The following EXOC4 variants were observed in gnomAD, a reference collection of about 807,000 sequenced individuals.
EXOC4 encodes SEC8-like 1.
Under a neutral mutation model 107.2 loss-of-function variants are expected in EXOC4, and 71 were observed. The observed-to-expected ratio is 0.66, with a 90% CI of 0.55 to 0.81. The LOEUF (loss-of-function observed/expected upper bound fraction) is 0.81. EXOC4 is among the 30% of genes least tolerant of loss of function. The probability of loss-of-function intolerance (pLI) is 0.00; values close to 1 mark genes in which losing one functional copy is unlikely to be tolerated. For synonymous variants in EXOC4, 456 were observed against 441.2 expected (o/e 1.03, Z -0.42); for missense variants, 1,108 against 1,189.6 (o/e 0.93, Z 1.01).
intron 11 of EXOC4, among the ~76,000 whole-genome samples, chr7:133,853,262 T>C (rs1313128515): frequency 6.6e-6 from 1 of 152,026 alleles, no homozygotes. Flanking sequence ...CATCTGTTTC[T>C]TTCTTTGTTT....
At chr7:133,772,420 A>G (rs1265521284) in intron 10 of EXOC4, among the ~76,000 whole-genome samples, 1 of 152,086 alleles carries the variant, frequency 6.6e-6, no homozygotes, top group Non-Finnish European at 1.5e-5. Context: ...AGAACTTGCA[A>G]TGCATTAACT....
At chr7:133,633,214 G>C (rs938565174) in intron 10 of EXOC4, among the ~76,000 whole-genome samples, 1 of 152,148 alleles carries the variant, frequency 6.6e-6, no homozygotes, top group Non-Finnish European at 1.5e-5. Flanking sequence ...CCTTGTGGGA[G>C]GATATAAATT....
At chr7:133,505,872 G>C (rs1799656392) in intron 9 of EXOC4, among the ~76,000 whole-genome samples, 1 of 152,076 alleles carries the variant, frequency 6.6e-6, no homozygotes, top group Non-Finnish European at 1.5e-5. Context: ...TGATTTTGTT[G>C]TTGTGTTCAG....
At chr7:133,554,273 GAAAT>G (rs1800650549) in intron 9 of EXOC4, among the ~76,000 whole-genome samples, 1 of 152,060 alleles carries the variant, frequency 6.6e-6, no homozygotes, top group Non-Finnish European at 1.5e-5. Flanking sequence ...CTATTCCCTA[GAAAT>G]CATTCTTAAT....
intron 11 of EXOC4, among the ~76,000 whole-genome samples, chr7:133,821,899 A>G (rs906685929): frequency 2.0e-5 from 3 of 152,226 alleles, no homozygotes; most frequent in African/African-American, 7.2e-5. Flanking sequence ...GAATGAATGA[A>G]TGATGACTTC....
At chr7:133,586,120 A>G (rs1045305136) in intron 9 of EXOC4, among the ~76,000 whole-genome samples, 2 of 142,176 alleles carry the variant, frequency 1.4e-5, no homozygotes, top group Admixed American at 6.8e-5. Flanking sequence ...GGGTACATAT[A>G]CAGGTTTGTT....
At chr7:134,020,311 A>G (rs1053062002) in intron 17 of EXOC4, among the ~76,000 whole-genome samples, 2 of 152,158 alleles carry the variant, frequency 1.3e-5, no homozygotes, top group East Asian at 1.9e-4. Context: ...CTGCGGCTTA[A>G]CAAGTGCTCA....
chr7:134,052,426 A>C (rs1247236678), intron 17 of EXOC4, among the ~76,000 whole-genome samples: 2 of 152,162 alleles, frequency 1.3e-5, no homozygotes, highest in African/African-American at 4.8e-5. Flanking sequence ...ATCTTACAAA[A>C]AGAAAAAAAG....
At chr7:133,421,483 A>G (rs1312579024) in intron 7 of EXOC4, among the ~76,000 whole-genome samples, 3 of 152,220 alleles carry the variant, frequency 2.0e-5, no homozygotes, top group African/African-American at 2.4e-5. Context: ...CTGTACGAGT[A>G]GCAGAGAATG....
At chr7:133,509,507 G>T (rs997427178) in intron 9 of EXOC4, among the ~76,000 whole-genome samples, 1 of 152,040 alleles carries the variant, frequency 6.6e-6, no homozygotes, top group Non-Finnish European at 1.5e-5. Flanking sequence ...CAGCTGGAAG[G>T]TTCTCTTTTA....
At chr7:133,604,653 C>T (rs774864135) in intron 9 of EXOC4, among the ~76,000 whole-genome samples, 7 of 143,444 alleles carry the variant, frequency 4.9e-5, no homozygotes, top group Non-Finnish European at 7.6e-5. Context: ...CTGGTTTCAT[C>T]TTTGCTTTAA....
In EXOC4 at chr7:134,056,432, A is replaced by G. The variant is rs145562012; in HGVS notation, c.2688-7859A>G. On this transcript the variant is annotated intron_variant, in intron 17 of 17. Coordinates refer to ENST00000253861, the MANE Select transcript of EXOC4 (RefSeq NM_021807.4). ...TCACTCTTTCATATTTCATTATTTG[A>G]TAACATCAGAAGATGAATCCATCAG... Among the ~76,000 whole-genome samples the G allele has an allele frequency of 6.6e-3, 1,010 of 152,390 alleles. 12 individuals carry two copies. The highest frequency in any genetic ancestry group is 0.023 in the African/African-American group (943 of 41,596).
intron 10 of EXOC4, among the ~76,000 whole-genome samples, chr7:133,648,046 A>G (rs1465301722): frequency 6.6e-6 from 1 of 152,232 alleles, no homozygotes; most frequent in Admixed American, 6.5e-5. Flanking sequence ...AGAAGAAAAC[A>G]TTATGTATTT....
At chr7:133,556,584 C>T (rs981223716) in intron 9 of EXOC4, among the ~76,000 whole-genome samples, 1 of 151,970 alleles carries the variant, frequency 6.6e-6, no homozygotes, top group Admixed American at 6.6e-5. Flanking sequence ...TGGGGTACCG[C>T]GGTAAGGATG....
chr7:133,294,718 G>A (rs1794480636), intron 3 of EXOC4, among the ~76,000 whole-genome samples: 1 of 151,950 alleles, frequency 6.6e-6, no homozygotes, highest in Non-Finnish European at 1.5e-5. Context: ...GCCATATCTG[G>A]GATAAAGAAA....
chr7:133,527,638 G>C (rs554666780), intron 9 of EXOC4, among the ~76,000 whole-genome samples: 29 of 152,222 alleles, frequency 1.9e-4, no homozygotes, highest in South Asian at 2.1e-4. Flanking sequence ...TTCAAGTTGT[G>C]TAGAAGAGAA....
intron 9 of EXOC4, among the ~76,000 whole-genome samples, chr7:133,607,190 C>T (rs1029552434): frequency 3.3e-5 from 5 of 152,146 alleles, no homozygotes; most frequent in African/African-American, 7.2e-5. Context: ...TCCTGCCATA[C>T]GGCCCTGATT....
intron 17 of EXOC4, among the ~76,000 whole-genome samples, chr7:134,053,208 A>G (rs1795837470): frequency 6.6e-6 from 1 of 151,146 alleles, no homozygotes; most frequent in Non-Finnish European, 1.5e-5. Flanking sequence ...ACTGCACTCC[A>G]GCCTGGACGA....
intron 1 of EXOC4, among the ~76,000 whole-genome samples, chr7:133,262,799 T>C (rs531677803): frequency 2.4e-4 from 37 of 152,106 alleles, no homozygotes; most frequent in Non-Finnish European, 4.7e-4. Flanking sequence ...TCTCAACATA[T>C]AGAAATGATA....
Sources: allele counts gnomAD v4.1 joint callset (sites outside exome capture counted in the v4.1 genomes callset), GRCh38; gene constraint gnomAD v4.1.1; transcripts MANE v1.5; gene names NCBI Gene and HGNC (gene_info 2026-07-23, HGNC 2026-07-21).